SLCO3A1: variants seen among roughly 807,000 people sequenced by gnomAD.
The protein encoded by SLCO3A1 is PGE1 transporter.
Under a neutral mutation model 63.1 loss-of-function variants are expected in SLCO3A1, and 27 were observed. The ratio of observed to expected loss-of-function variants is 0.43; its 90% CI spans 0.32 to 0.59. The LOEUF is 0.59. Among genes scored for constraint, SLCO3A1 ranks in the 20% least tolerant of loss-of-function variants. SLCO3A1 has a pLI of 0.09. For missense variants in SLCO3A1, 773 were observed against 945.8 expected (o/e 0.82, Z 2.40); for synonymous variants, 473 against 409.9 (o/e 1.15, Z -1.86).
At chr15:92,151,601 C>T (rs1350840674) in intron 9 of SLCO3A1, among the ~76,000 whole-genome samples, 4 of 152,176 alleles carry the variant, frequency 2.6e-5, no homozygotes, top group African/African-American at 4.8e-5. Context: ...CATGGTTCAC[C>T]ACCCAAGGTC....
intron 2 of SLCO3A1, among the ~76,000 whole-genome samples, chr15:91,961,474 A>G (rs1213533990): frequency 1.3e-5 from 2 of 152,262 alleles, no homozygotes; most frequent in Non-Finnish European, 2.9e-5. Context: ...AAAACAGGGC[A>G]TATGTCAGGC....
intron 4 of SLCO3A1, among the ~76,000 whole-genome samples, chr15:92,113,154 C>T (rs2047750135): frequency 6.6e-6 from 1 of 152,228 alleles, no homozygotes; most frequent in Non-Finnish European, 1.5e-5. Context: ...CTCCTTTCTT[C>T]ATCTCTGTGA....
intron 2 of SLCO3A1, among the ~76,000 whole-genome samples, chr15:91,984,968 A>G (rs888701514): frequency 6.6e-6 from 1 of 152,060 alleles, no homozygotes; most frequent in African/African-American, 2.4e-5. Context: ...TCTTAAGTAG[A>G]TCATACATAG....
intron 2 of SLCO3A1, among the ~76,000 whole-genome samples, chr15:91,996,343 A>G (rs930170481): frequency 6.6e-5 from 10 of 152,204 alleles, no homozygotes; most frequent in Non-Finnish European, 1.2e-4. Context: ...ATAAAATAAG[A>G]TATTTAAACA....
At chr15:92,101,593 C>T (rs1046315718) in intron 3 of SLCO3A1, among the ~76,000 whole-genome samples, 1 of 152,158 alleles carries the variant, frequency 6.6e-6, no homozygotes, top group East Asian at 1.9e-4. Context: ...AGCCGTCTTC[C>T]CCAGATCAAA....
At chr15:92,047,583 AT>A (rs5814513) in intron 2 of SLCO3A1, among the ~76,000 whole-genome samples, 4,781 of 14,842 alleles carry the variant, frequency 0.32, 1,281 homozygotes, top group East Asian at 0.46. Context: ...TATATATATA[AT>A]ATATATATAA....
intron 2 of SLCO3A1, among the ~76,000 whole-genome samples, chr15:92,053,447 T>A (rs1167101356): frequency 6.6e-6 from 1 of 152,198 alleles, no homozygotes; most frequent in Non-Finnish European, 1.5e-5. Context: ...ATTGCGATCA[T>A]CTGAGGTCCA....
At chr15:92,050,629 AGTCCTGG>A (rs2046945726) in intron 2 of SLCO3A1, among the ~76,000 whole-genome samples, 1 of 152,206 alleles carries the variant, frequency 6.6e-6, no homozygotes, top group African/African-American at 2.4e-5. Context: ...CCACTGTGCT[AGTCCTGG>A]CCACTATCAC....
chr15:92,090,105 T>C (rs1031665537), intron 2 of SLCO3A1, among the ~76,000 whole-genome samples: 1 of 152,176 alleles, frequency 6.6e-6, no homozygotes, highest in African/African-American at 2.4e-5. Context: ...ACTGCACAGT[T>C]TCTGAAACCT....
At chr15:91,998,304 GT>G (rs2046215204) in intron 2 of SLCO3A1, among the ~76,000 whole-genome samples, 1 of 151,904 alleles carries the variant, frequency 6.6e-6, no homozygotes, top group African/African-American at 2.4e-5. Flanking sequence ...AAATACAAAA[GT>G]TTGCTGGATG....
chr15:92,149,762 TGTTCCTAGTGACATATGATA>T (rs2048279475), intron 8 of SLCO3A1: 1 of 152,238 alleles, frequency 6.6e-6, no homozygotes, highest in South Asian at 2.1e-4. Context: ...TTGCTCACTT[TGTTCCTAGTGACATATGATA>T]GCTGAAAGGA....
In SLCO3A1 at chr15:91,926,612, CA is replaced by C. The variant is rs1567189517; in HGVS notation, c.646+10155del. On this transcript the variant is annotated intron_variant, in intron 2 of 9. Transcript: ENST00000318445. ...GTGTGTGTGTGCGCGCGCGCACGCCCATGCTTATTTTAAACCACATAATAGA... is the reference window on the plus strand; with the variant it reads ...GTGTGTGTGTGCGCGCGCGCACGCCCTGCTTATTTTAAACCACATAATAGA... Among the ~76,000 whole-genome samples the C allele has an allele frequency of 5.4e-3, 700 of 129,476 alleles. 15 individuals are homozygous for C. Among genetic ancestry groups the C allele is most frequent in the African/African-American group, 0.02 (584 of 29,506 alleles). The allele number at this position is 129,476 out of a possible 152,430, so 84.9% of individuals were successfully genotyped here. A position where few individuals can be genotyped will look rare whatever the true frequency, so the allele number is the denominator to read the frequency against.
chr15:92,038,615 A>C (rs1459843393), intron 2 of SLCO3A1, among the ~76,000 whole-genome samples: 1 of 152,204 alleles, frequency 6.6e-6, no homozygotes, highest in Non-Finnish European at 1.5e-5. Flanking sequence ...ACACAAACAA[A>C]TGGCAAAACA....
chr15:92,131,144 G>C (rs1286778881), intron 7 of SLCO3A1, among the ~76,000 whole-genome samples: 2 of 152,154 alleles, frequency 1.3e-5, no homozygotes, highest in African/African-American at 4.8e-5. Flanking sequence ...CCATGCAATA[G>C]GAAGTGGGGG....
At chr15:92,136,198 C>A (rs779916329) in intron 7 of SLCO3A1, among the ~76,000 whole-genome samples, 5 of 152,188 alleles carry the variant, frequency 3.3e-5, no homozygotes, top group South Asian at 2.1e-4. Flanking sequence ...CAGGGGCGAT[C>A]CTCTACCTTT....
At chr15:92,140,594 T>G (rs1190778554) in intron 7 of SLCO3A1, among the ~76,000 whole-genome samples, 3 of 152,208 alleles carry the variant, frequency 2.0e-5, no homozygotes, top group East Asian at 3.9e-4. Flanking sequence ...AAGTCTCCCA[T>G]TATTAATGTG....
intron 9 of SLCO3A1, 69 bp from the exon 10 acceptor site, chr15:92,162,687 G>T: frequency 1.3e-6 from 2 of 1,529,586 alleles, no homozygotes; most frequent in Non-Finnish European, 1.8e-6. Flanking sequence ...AGAAAAGCTA[G>T]GCAGAGACAG....
chr15:92,037,758 C>A (rs965297145), intron 2 of SLCO3A1, among the ~76,000 whole-genome samples: 4 of 152,212 alleles, frequency 2.6e-5, no homozygotes, highest in Admixed American at 1.3e-4. Context: ...CTTGCTCCAG[C>A]AGTTCATTCA....
chr15:92,096,422 G>A (rs2047540076), intron 3 of SLCO3A1, among the ~76,000 whole-genome samples: 1 of 152,246 alleles, frequency 6.6e-6, no homozygotes. Context: ...AGAATACCAG[G>A]CAGCAGGGAC....
Sources: gnomAD v4.1 joint callset for allele counts (sites outside exome capture counted in the v4.1 genomes callset) on GRCh38, gnomAD v4.1.1 for gene constraint, MANE v1.5 for transcripts, NCBI Gene and HGNC (gene_info 2026-07-23, HGNC 2026-07-21) for gene names.